Variants in GSTCD observed in about 807,000 individuals in gnomAD.
GSTCD encodes glutathione S-transferase C-terminal domain containing.
GSTCD carries 44 observed loss-of-function variants against 68.3 expected under a neutral mutation model. That is an observed-to-expected ratio of 0.64 (90% CI 0.51 to 0.83). The LOEUF (loss-of-function observed/expected upper bound fraction) is 0.83. Among genes scored for constraint, GSTCD ranks in the 40% least tolerant of loss-of-function variants. The probability of loss-of-function intolerance (pLI) is 0.00; values close to 1 mark genes in which losing one functional copy is unlikely to be tolerated. For synonymous variants in GSTCD, 273 were observed against 255.2 expected, an observed-to-expected ratio of 1.07 and a Z score of -0.67; for missense variants, 739 against 735.9, an observed-to-expected ratio of 1.00 and a Z score of -0.05.
intron 5 of GSTCD, among the ~76,000 whole-genome samples, chr4:105,753,620 G>A (rs894591089): frequency 3.3e-5 from 5 of 151,966 alleles, no homozygotes; most frequent in Non-Finnish European, 5.9e-5. Flanking sequence ...GGGAGGATGT[G>A]CATAGATTAT....
chr4:105,723,977 TG>T (rs1192438479), intron 3 of GSTCD, among the ~76,000 whole-genome samples: 1 of 151,830 alleles, frequency 6.6e-6, no homozygotes, highest in Non-Finnish European at 1.5e-5. Flanking sequence ...TTACAGTCCT[TG>T]TTCTTATAAT....
chr4:105,718,879 ACTT>A (rs1218698280), intron 2 of GSTCD, among the ~76,000 whole-genome samples, 178 bp from the exon 3 acceptor site: 1 of 151,980 alleles, frequency 6.6e-6, no homozygotes, highest in African/African-American at 2.4e-5. Flanking sequence ...GGAATGCTAA[ACTT>A]CTTTTGCTTA....
At chr4:105,780,790 T>C (rs1735247453) in intron 5 of GSTCD, among the ~76,000 whole-genome samples, 1 of 152,242 alleles carries the variant, frequency 6.6e-6, no homozygotes, top group South Asian at 2.1e-4. Context: ...TCTGAAAGTA[T>C]AGTATATACT....
At chr4:105,805,449 T>C (rs1722450638) in intron 5 of GSTCD, among the ~76,000 whole-genome samples, 1 of 152,158 alleles carries the variant, frequency 6.6e-6, no homozygotes, top group Non-Finnish European at 1.5e-5. Context: ...ATATTTTTCA[T>C]TGAGAATTTT....
chr4:105,760,152 GA>G (rs551816309), intron 5 of GSTCD, among the ~76,000 whole-genome samples: 7,262 of 87,044 alleles, frequency 0.083, 183 homozygotes, highest in Middle Eastern at 0.22. Flanking sequence ...TAAGATTTGA[GA>G]AAAAAAAAAT....
intron 5 of GSTCD, chr4:105,753,125 A>G (rs917471787): frequency 2.0e-5 from 3 of 152,084 alleles, no homozygotes; most frequent in Non-Finnish European, 2.9e-5. Flanking sequence ...AATCCTGGAT[A>G]CCATAATAAA....
At chr4:105,753,313 A>T (rs566598559) in intron 5 of GSTCD, 1 of 152,106 alleles carries the variant, frequency 6.6e-6, no homozygotes, top group Non-Finnish European at 1.5e-5. Context: ...TGAAACAAAG[A>T]TAGTTGCAAT....
intron 10 of GSTCD, among the ~76,000 whole-genome samples, chr4:105,841,674 GA>G (rs35198239): frequency 6.7e-6 from 1 of 150,118 alleles, no homozygotes; most frequent in African/African-American, 2.5e-5. Context: ...CGTTTCTATT[GA>G]AAAAAAAATA....
At chr4:105,839,192 T>C (rs1286113490) in intron 10 of GSTCD, among the ~76,000 whole-genome samples, 1 of 152,222 alleles carries the variant, frequency 6.6e-6, no homozygotes, top group Non-Finnish European at 1.5e-5. Flanking sequence ...ACAACATTGC[T>C]GGCCTTCACC....
chr4:105,775,412 G>A (rs924656633), intron 5 of GSTCD, among the ~76,000 whole-genome samples: 3 of 151,998 alleles, frequency 2.0e-5, no homozygotes, highest in Non-Finnish European at 4.4e-5. Context: ...GTGATCCTTT[G>A]GGGGAGAAAA....
At chr4:105,776,759 G>T (rs927082287) in intron 5 of GSTCD, among the ~76,000 whole-genome samples, 9 of 152,206 alleles carry the variant, frequency 5.9e-5, no homozygotes, top group African/African-American at 2.2e-4. Context: ...GCTGGGAGCT[G>T]CAGACTGGAG....
At chr4:105,749,871 C>G (rs954798400) in intron 5 of GSTCD, among the ~76,000 whole-genome samples, 9 of 151,968 alleles carry the variant, frequency 5.9e-5, no homozygotes, top group Admixed American at 5.2e-4. Flanking sequence ...AAAAGGATGA[C>G]CAAACAAGCT....
intron 8 of GSTCD, among the ~76,000 whole-genome samples, chr4:105,827,991 A>T (rs757402049): frequency 2.0e-5 from 3 of 152,132 alleles, no homozygotes; most frequent in African/African-American, 7.2e-5. Flanking sequence ...GGTCATGACT[A>T]TGGAAAAATG....
chr4:105,726,676 C>T lies in GSTCD; in HGVS notation c.992C>T (p.Ala331Val). The T allele has an allele frequency of 4.3e-6, 7 of 1,613,886 alleles. No homozygotes were observed. The highest frequency in any genetic ancestry group is 5.9e-6 in the Non-Finnish European group (7 of 1,179,882). ...CAGGAAGTGCCAGGAGTAAAAACAG[C>T]AGCTTCTAAGTGTGGGATCCAATTT... is the stretch of plus-strand genomic sequence containing the variant. The part of the protein sequence containing the change: ...RIQEVPGVKT[A>V]ASKCGIQFLH... The change falls in exon 4 of 12, where the codon GCA (alanine) becomes GTA (valine). Residue 331 changes from alanine (A) to valine (V), a missense_variant. Ala to Val is a moderately conservative substitution (Grantham distance 64, BLOSUM62 0). Transcript: ENST00000515279.
chr4:105,763,497 A>T (rs1314737723), intron 5 of GSTCD, among the ~76,000 whole-genome samples: 1 of 152,196 alleles, frequency 6.6e-6, no homozygotes, highest in Non-Finnish European at 1.5e-5. Context: ...ACAAGGTCCC[A>T]CAACTAGTAA....
intron 5 of GSTCD, among the ~76,000 whole-genome samples, chr4:105,765,655 CCCCA>C (rs1388345318): frequency 1.3e-5 from 2 of 152,162 alleles, no homozygotes; most frequent in Admixed American, 1.3e-4. Context: ...GGCTCTGTGT[CCCCA>C]CCCAAATCTC....
At chr4:105,711,665 C>A (rs928137571) in intron 1 of GSTCD, among the ~76,000 whole-genome samples, 2 of 152,154 alleles carry the variant, frequency 1.3e-5, no homozygotes, top group African/African-American at 4.8e-5. Flanking sequence ...TTATTGTCTC[C>A]ATTTTATTAT....
intron 5 of GSTCD, among the ~76,000 whole-genome samples, chr4:105,812,908 A>G (rs1265197984): frequency 6.6e-6 from 1 of 152,116 alleles, no homozygotes; most frequent in Non-Finnish European, 1.5e-5. Context: ...AGTTATATTT[A>G]TTTATTTTTC....
chr4:105,772,010 A>G (rs1361991133), intron 5 of GSTCD, among the ~76,000 whole-genome samples: 1 of 152,164 alleles, frequency 6.6e-6, no homozygotes, highest in Non-Finnish European at 1.5e-5. Flanking sequence ...TGAGCATGGA[A>G]TGTTTTTCCA....
Sources: allele counts gnomAD v4.1 joint callset (sites outside exome capture counted in the v4.1 genomes callset), GRCh38; gene constraint gnomAD v4.1.1; transcripts MANE v1.5; gene names NCBI Gene and HGNC (gene_info 2026-07-23, HGNC 2026-07-21).